Variants in PVT1 observed in about 807,000 individuals in gnomAD.
PVT1 encodes the protein Pvt1 oncogene, also known as CXCR4/PVT1 fusion.
intron 5 of PVT1, among the ~76,000 whole-genome samples, chr8:128,091,864 A>T (rs188410776): frequency 6.6e-6 from 1 of 152,336 alleles, no homozygotes; most frequent in Admixed American, 6.5e-5. Context: ...AGGAAAACTC[A>T]GGGTATGTCT....
At chr8:127,875,537 C>T (rs2129776908) in intron 2 of PVT1, among the ~76,000 whole-genome samples, 1 of 152,312 alleles carries the variant, frequency 6.6e-6, no homozygotes, top group African/African-American at 2.4e-5. Context: ...TGTGCAAAGT[C>T]ATATGTGCTC....
rs28607833 is a variant in PVT1, at chr8:127,983,689, A to G, written n.783-5473A>G. On this transcript the variant is annotated intron_variant and non_coding_transcript_variant, in intron 3 of 10. Transcript: ENST00000651587. ...CCCAAGGATAACGACATTCTTTTAC[A>G]TAACGACTGTATAATTATCAAACTC... 9.3e-3 allele frequency among the ~76,000 whole-genome samples: 1,419 copies of G among 152,290 alleles called. 16 individuals carry two copies. Among genetic ancestry groups the G allele is most frequent in the African/African-American group, 0.032 (1,349 of 41,554 alleles).
intron 3 of PVT1, among the ~76,000 whole-genome samples, chr8:127,897,799 C>A (rs1457836470): frequency 2.4e-5 from 3 of 127,394 alleles, no homozygotes; most frequent in South Asian, 2.4e-4. Flanking sequence ...TTTGTACCTG[C>A]GTGAAGAGAG....
rs566641648 is a variant in PVT1, at chr8:127,873,776, C to G, written n.373-16813C>G. On this transcript the variant is annotated intron_variant and non_coding_transcript_variant, in intron 2 of 10. Coordinates refer to ENST00000651587, the Ensembl canonical transcript of PVT1. ...CCCACAGAATCTTTGCTCCATTTCT[C>G]CACTTTGCTGCCTCTATGAATCAAT... Among the ~76,000 whole-genome samples the G allele has an allele frequency of 1.1e-4, 17 of 152,318 alleles. 1 individual carries two copies. The South Asian group carries it at 3.5e-3, about 32-fold the overall frequency.
intron 2 of PVT1, among the ~76,000 whole-genome samples, chr8:127,822,874 C>T (rs1474974099): frequency 3.9e-5 from 6 of 152,122 alleles, no homozygotes; most frequent in Non-Finnish European, 4.4e-5. Context: ...AAGAGGACAG[C>T]AGCTGGGTGT....
chr8:127,802,082 AT>A (rs1377442613), intron 2 of PVT1, among the ~76,000 whole-genome samples: 1 of 151,818 alleles, frequency 6.6e-6, no homozygotes, highest in African/African-American at 2.4e-5. Flanking sequence ...CACCTGGCTA[AT>A]TTTGTATTTT....
At chr8:128,022,766 A>C (rs924483645) in intron 4 of PVT1, among the ~76,000 whole-genome samples, 1 of 152,050 alleles carries the variant, frequency 6.6e-6, no homozygotes, top group Non-Finnish European at 1.5e-5. Context: ...TGGTGAACTG[A>C]TTACAGGAAT....
At chr8:127,836,011 C>CT (rs1432811801) in intron 2 of PVT1, among the ~76,000 whole-genome samples, 1 of 152,152 alleles carries the variant, frequency 6.6e-6, no homozygotes, top group Non-Finnish European at 1.5e-5. Flanking sequence ...TCCTAGAATG[C>CT]TTTTTCCCCA....
intron 5 of PVT1, among the ~76,000 whole-genome samples, chr8:128,073,426 C>T (rs1369284383): frequency 1.3e-5 from 2 of 152,172 alleles, no homozygotes; most frequent in South Asian, 2.1e-4. Flanking sequence ...GAATCACACA[C>T]CTGGGAGATG....
chr8:127,814,262 G>A (rs1814634571), intron 2 of PVT1, among the ~76,000 whole-genome samples: 1 of 152,200 alleles, frequency 6.6e-6, no homozygotes, highest in South Asian at 2.1e-4. Flanking sequence ...GTTTCTGGGA[G>A]AGGCTGAGCA....
At chr8:127,846,094 C>T (rs778544823) in intron 2 of PVT1, among the ~76,000 whole-genome samples, 1 of 152,222 alleles carries the variant, frequency 6.6e-6, no homozygotes, top group Non-Finnish European at 1.5e-5. Context: ...TCGTGGACCC[C>T]TCCAGGGCTG....
intron 2 of PVT1, among the ~76,000 whole-genome samples, chr8:127,796,453 A>G (rs1425614123): frequency 1.3e-5 from 2 of 152,104 alleles, no homozygotes; most frequent in Admixed American, 6.6e-5. Flanking sequence ...GCCCACATCA[A>G]ATCAATTCCC....
At chr8:127,959,968 CACTT>C (rs1816619542) in intron 3 of PVT1, among the ~76,000 whole-genome samples, 1 of 152,186 alleles carries the variant, frequency 6.6e-6, no homozygotes, top group African/African-American at 2.4e-5. Context: ...TGTATGTCTG[CACTT>C]ACTTCTGGCC....
intron 4 of PVT1, among the ~76,000 whole-genome samples, chr8:128,055,374 G>A (rs569606890): frequency 1.1e-4 from 16 of 152,142 alleles, no homozygotes; most frequent in South Asian, 6.2e-4. Flanking sequence ...TAACTTTTCC[G>A]GGCTTAAGTC....
At chr8:127,999,776 A>G (rs1036658852) in intron 4 of PVT1, among the ~76,000 whole-genome samples, 23 of 152,226 alleles carry the variant, frequency 1.5e-4, no homozygotes, top group Non-Finnish European at 2.9e-5. Context: ...TCCACTTTTA[A>G]CAAACTTGTT....
At chr8:128,022,851 C>T (rs1008308163) in intron 4 of PVT1, among the ~76,000 whole-genome samples, 30 of 148,352 alleles carry the variant, frequency 2.0e-4, no homozygotes, top group African/African-American at 5.4e-4. Context: ...GTAAACATGA[C>T]GCAAGCTGAG....
intron 5 of PVT1, among the ~76,000 whole-genome samples, chr8:128,092,359 C>T (rs189434759): frequency 1.3e-5 from 2 of 152,342 alleles, no homozygotes; most frequent in East Asian, 1.9e-4. Flanking sequence ...GGGCAGGGGC[C>T]TCAGGCCTTC....
intron 3 of PVT1, chr8:127,948,026 T>C (rs570678243): frequency 2.7e-5 from 11 of 408,968 alleles, no homozygotes; most frequent in South Asian, 1.6e-4. Flanking sequence ...TATCTGCTGT[T>C]GGTCTCATTT....
intron 4 of PVT1, among the ~76,000 whole-genome samples, chr8:128,012,578 G>T (rs1316640751): frequency 1.3e-5 from 2 of 152,140 alleles, no homozygotes; most frequent in Non-Finnish European, 2.9e-5. Context: ...TGGCCCTGTT[G>T]GGTGTGCAAG....
Sources: gnomAD v4.1 joint callset for allele counts (sites outside exome capture counted in the v4.1 genomes callset) on GRCh38, gnomAD v4.1.1 for gene constraint, MANE v1.5 for transcripts, NCBI Gene and HGNC (gene_info 2026-07-23, HGNC 2026-07-21) for gene names.